FAM227A: variants seen among roughly 807,000 people sequenced by gnomAD.
FAM227A encodes the protein family with sequence similarity 227 member A.
In FAM227A, 80 loss-of-function variants were observed where a neutral mutation model predicts 74.7. The ratio of observed to expected loss-of-function variants is 1.07; its 90% CI spans 0.89 to 1.29. FAM227A has a LOEUF of 1.29. Ranked by LOEUF, FAM227A falls within the 50% of genes most tolerant of loss-of-function variation. The pLI, the probability that FAM227A is intolerant of heterozygous loss-of-function variation, is 0.00. For synonymous variants in FAM227A, 237 were observed against 241.8 expected (o/e 0.98, Z 0.19); for missense variants, 654 against 683.4 (o/e 0.96, Z 0.48).
Position 38,591,472 on chromosome 22 carries a change from G to A in FAM227A, c.1601C>T (p.Ser534Leu). The A allele has an allele frequency of 1.3e-6, 2 of 1,551,352 alleles. No individual in the cohort carries two copies. The highest frequency in any genetic ancestry group is 1.7e-6 in the Non-Finnish European group (2 of 1,146,840). The change falls in exon 16 of 17, where the codon TCA becomes TTA. Residue 534 changes from serine (S) to leucine (L), a missense_variant. Physicochemically the swap from Ser to Leu is moderately radical, Grantham distance 145. Coordinates refer to ENST00000535113, the MANE Select transcript of FAM227A (RefSeq NM_001013647.2). ...KKANHMFIPP[S>L]AVNEESPDKK... ...GTCAGGTGATTCCTCATTGACGGCT[G>A]AAGGTGGGATGAACATGTGGTTTGC...
In FAM227A at chr22:38,613,105, TTATA is replaced by T. The variant is rs554169878; in HGVS notation, c.1039-5633_1039-5630del. On this transcript the variant is annotated intron_variant, in intron 11 of 16. Transcript: ENST00000535113. ...AATTATATATATATATTATATATAA[TTATA>T]TATATATTATATATAATTATATATA... Among the ~76,000 whole-genome samples, 818 of 94,004 alleles carry T rather than the reference TTATA, an allele frequency of 8.7e-3. 18 individuals carry two copies. Among genetic ancestry groups the T allele is most frequent in the African/African-American group, 0.037 (781 of 21,048 alleles). The allele number at this position is 94,004 out of a possible 152,430, so 61.7% of individuals were successfully genotyped here. A position where few individuals can be genotyped will look rare whatever the true frequency, so the allele number is the denominator to read the frequency against.
At position 38,633,332 on chromosome 22, in the gene FAM227A, T is replaced by G. The variant is rs568722874; in HGVS notation, c.519+3119A>C. Among the ~76,000 whole-genome samples, 18 of 152,302 alleles carry G rather than the reference T, an allele frequency of 1.2e-4. No individual in the cohort carries two copies. The South Asian group carries it at 3.7e-3, about 32-fold the overall frequency. ...TAGTAAGTCTGAAGGAAAACGTTCC[T>G]CATAGGACCTCAAAAATGGGGCATT... is the stretch of plus-strand genomic sequence containing the variant. On this transcript the variant is annotated intron_variant, in intron 6 of 16. Coordinates refer to ENST00000535113, the MANE Select transcript of FAM227A (RefSeq NM_001013647.2).
In FAM227A at chr22:38,645,605, A is replaced by G. The variant is rs1252563120; in HGVS notation, c.183T>C (p.Ile61=). The change falls in exon 3 of 17, where the codon ATT becomes ATC. Residue 61 remains isoleucine, a synonymous_variant. Transcript: ENST00000535113. The part of the protein sequence containing the change: ...IGSMHQVNQK[I]ADINLRTEPS... Reference sequence around the variant, plus strand: ...GCTCGGTACGCAGATTTATGTCAGCAATCTTTTGGTTCACCTGGTGCATGG... The same window carrying G: ...GCTCGGTACGCAGATTTATGTCAGCGATCTTTTGGTTCACCTGGTGCATGG... 1.3e-6 allele frequency: 2 copies of G among 1,551,368 alleles called. No individual in the cohort carries two copies. Among genetic ancestry groups the G allele is most frequent in the Non-Finnish European group, 1.7e-6 (2 of 1,146,890 alleles).
intron 2 of FAM227A, among the ~76,000 whole-genome samples, chr22:38,647,128 G>C (rs1289149236): frequency 6.7e-6 from 1 of 149,950 alleles, no homozygotes; most frequent in Non-Finnish European, 1.5e-5. Flanking sequence ...CAGCCCGTGC[G>C]ATGGTGCGAG....
chr22:38,588,047 TG>T (rs2090845821), intron 16 of FAM227A, among the ~76,000 whole-genome samples: 1 of 152,130 alleles, frequency 6.6e-6, no homozygotes, highest in Admixed American at 6.5e-5. Flanking sequence ...AGGAATAGGA[TG>T]GAATTACTCC....
rs76889515 is a variant in FAM227A at position 38,608,065 on chromosome 22, A to G, written c.1039-589T>C. Among the ~76,000 whole-genome samples the G allele has an allele frequency of 1.0e-2, 1,515 of 151,514 alleles. 30 individuals are homozygous for G. Among genetic ancestry groups the G allele is most frequent in the African/African-American group, 0.035 (1,467 of 41,324 alleles). On this transcript the variant is annotated intron_variant, in intron 11 of 16. Coordinates refer to ENST00000535113, the MANE Select transcript of FAM227A (RefSeq NM_001013647.2). ...CAATAGAAGTTAGGATTATGTTTGA[A>G]TGTGACAGAGACTCAAAATAACAGT...
At chr22:38,603,942 C>T (rs903604192) in intron 13 of FAM227A, among the ~76,000 whole-genome samples, 7 of 151,970 alleles carry the variant, frequency 4.6e-5, no homozygotes, top group Non-Finnish European at 1.0e-4. Context: ...TGGTAAAATG[C>T]TTAGCAACAA....
intron 13 of FAM227A, among the ~76,000 whole-genome samples, chr22:38,602,767 G>A (rs2091203316): frequency 6.6e-6 from 1 of 152,146 alleles, no homozygotes; most frequent in Admixed American, 6.5e-5. Flanking sequence ...GTGATTCTTT[G>A]GCAACCCAGC....
chr22:38,649,934 G>A, intron 2 of FAM227A, 93 bp downstream of exon 2: 3 of 1,088,554 alleles, frequency 2.8e-6, no homozygotes, highest in South Asian at 1.5e-5. Flanking sequence ...TAAGTAATGT[G>A]CATTATAGAC....
intron 3 of FAM227A, among the ~76,000 whole-genome samples, chr22:38,642,979 C>G (rs11912929): frequency 2.3e-4 from 35 of 151,464 alleles, no homozygotes; most frequent in Non-Finnish European, 2.5e-4. Flanking sequence ...AAATATTAAA[C>G]GAAATCTTAA....
chr22:38,626,390 T>C lies in FAM227A; in HGVS notation c.727-87A>G, dbSNP rs182550327. 487 of 1,434,878 alleles carry C rather than the reference T, an allele frequency of 3.4e-4. 2 individuals are homozygous for C. The African/African-American group carries it at 6.3e-3, about 19-fold the overall frequency. 88.9% of individuals were successfully genotyped at this position (1,434,878 alleles called of 1,614,324 possible). A position where few individuals can be genotyped will look rare whatever the true frequency, so the allele number is the denominator to read the frequency against. On this transcript the variant is annotated intron_variant, in intron 8 of 16. Transcript: ENST00000535113. Reference sequence around the variant, plus strand: ...GGGATGAGGAAGGACTTTCTTTTTTTATATATAGTTTTTGTTGTTGTTGTT... The same window carrying C: ...GGGATGAGGAAGGACTTTCTTTTTTCATATATAGTTTTTGTTGTTGTTGTT...
intron 15 of FAM227A, among the ~76,000 whole-genome samples, chr22:38,595,687 A>C (rs938881645): frequency 2.0e-5 from 3 of 152,208 alleles, no homozygotes; most frequent in African/African-American, 7.2e-5. Context: ...ATACCAGTTT[A>C]ACCAAGTGTT....
chr22:38,596,129 C>A (rs1403649867), intron 15 of FAM227A, among the ~76,000 whole-genome samples: 1 of 152,024 alleles, frequency 6.6e-6, no homozygotes, highest in African/African-American at 2.4e-5. Context: ...TGAGACCAAC[C>A]AGGCAACATG....
intron 3 of FAM227A, among the ~76,000 whole-genome samples, chr22:38,641,255 C>T (rs1004395792): frequency 3.3e-5 from 5 of 152,154 alleles, no homozygotes; most frequent in African/African-American, 1.2e-4. Context: ...TCCAGGAAGG[C>T]AACTCCCAAA....
intron 11 of FAM227A, among the ~76,000 whole-genome samples, chr22:38,616,020 G>A (rs927205734): frequency 6.6e-6 from 1 of 152,108 alleles, no homozygotes; most frequent in Non-Finnish European, 1.5e-5. Flanking sequence ...CGTATGGGCG[G>A]TATTTGAAGC....
intron 1 of FAM227A, chr22:38,653,716 C>T (rs2092352821): frequency 6.6e-6 from 1 of 152,174 alleles, no homozygotes; most frequent in Admixed American, 6.6e-5. Context: ...CCCCCCATCC[C>T]AGGTCTGTGT....
rs1024392991 is a variant in FAM227A, at chr22:38,616,205, C to A, written c.1038+4007G>T. On this transcript the variant is annotated intron_variant, in intron 11 of 16. Coordinates refer to ENST00000535113, the MANE Select transcript of FAM227A (RefSeq NM_001013647.2). ...CAACAAAGAAGCCAAGAGAACAAAG[C>A]GTCTCAAGAAGATGGGAGTGGCCAA... Among the ~76,000 whole-genome samples, 3 of 152,152 alleles carry A rather than the reference C, an allele frequency of 2.0e-5. No homozygotes were observed. The South Asian group carries it at 6.2e-4, about 31-fold the overall frequency.
chr22:38,645,981 C>T lies in FAM227A; in HGVS notation c.143-336G>A, dbSNP rs570881930. On this transcript the variant is annotated intron_variant, in intron 2 of 16. Coordinates refer to ENST00000535113, the MANE Select transcript of FAM227A (RefSeq NM_001013647.2). The stretch of plus-strand genomic sequence containing the variant: ...AAAATTTCTTGTAGAGATGCAGTTT[C>T]GCCATGTTTCCCAGGCTGATCTCAA... Among the ~76,000 whole-genome samples the T allele has an allele frequency of 4.2e-4, 64 of 152,028 alleles. 1 individual carries two copies. Among genetic ancestry groups the T allele is most frequent in the South Asian group, 2.1e-4 (1 of 4,814 alleles).
intron 3 of FAM227A, among the ~76,000 whole-genome samples, chr22:38,644,511 A>T (rs1340719482): frequency 6.6e-6 from 1 of 151,868 alleles, no homozygotes; most frequent in African/African-American, 2.4e-5. Flanking sequence ...TGGAGCACAG[A>T]GGACTGTTGG....
Sources: allele counts gnomAD v4.1 joint callset (sites outside exome capture counted in the v4.1 genomes callset), GRCh38; gene constraint gnomAD v4.1.1; transcripts MANE v1.5; gene names NCBI Gene and HGNC (gene_info 2026-07-23, HGNC 2026-07-21).